Variants in ERBB4 observed in about 807,000 individuals in gnomAD.
ERBB4 encodes the protein receptor tyrosine-protein kinase erbB-4.
Under a neutral mutation model 158.0 loss-of-function variants are expected in ERBB4, and 42 were observed. The observed-to-expected ratio is 0.27, with a 90% CI of 0.21 to 0.34. The LOEUF (loss-of-function observed/expected upper bound fraction) is 0.34. ERBB4 is among the 10% of genes least tolerant of loss of function. ERBB4 has a pLI of 1.00. For missense variants in ERBB4, 1,333 were observed against 1,624.1 expected, an observed-to-expected ratio of 0.82 and a Z score of 3.08; for synonymous variants, 583 against 558.7, an observed-to-expected ratio of 1.04 and a Z score of -0.61.
chr2:212,110,017 T>C (rs1415238510), intron 2 of ERBB4, among the ~76,000 whole-genome samples: 1 of 152,284 alleles, frequency 6.6e-6, no homozygotes, highest in East Asian at 1.9e-4. Flanking sequence ...TCAGGTAACC[T>C]TTCTGTGCCT....
At chr2:212,024,588 CA>C (rs1329024085) in intron 2 of ERBB4, among the ~76,000 whole-genome samples, 1 of 151,868 alleles carries the variant, frequency 6.6e-6, no homozygotes, top group African/African-American at 2.4e-5. Flanking sequence ...GGAGATACAT[CA>C]AAAAGGTTCT....
rs183047290 is a variant in ERBB4 at position 211,473,034 on chromosome 2, A to G, written c.2488-41934T>C. Among the ~76,000 whole-genome samples, 28 of 152,026 alleles carry G rather than the reference A, an allele frequency of 1.8e-4. 1 individual carries two copies. In the East Asian group the frequency reaches 5.4e-3, roughly 29 times the overall value. On this transcript the variant is annotated intron_variant, in intron 20 of 27. Coordinates refer to ENST00000342788, the MANE Select transcript of ERBB4 (RefSeq NM_005235.3). ...ATTCCTGGAACCCATAAATGTTACT[A>G]TATACGGGGAATCAAAGGGGTCTTT...
At chr2:211,732,012 T>C in intron 5 of ERBB4, among the ~76,000 whole-genome samples, 1 of 143,592 alleles carries the variant, frequency 7.0e-6, no homozygotes, top group Non-Finnish European at 1.5e-5. Flanking sequence ...GAAAATTCAT[T>C]TTTTTTTTTT....
At chr2:212,011,820 G>T (rs548141172) in intron 2 of ERBB4, among the ~76,000 whole-genome samples, 1 of 151,896 alleles carries the variant, frequency 6.6e-6, no homozygotes, top group East Asian at 1.9e-4. Flanking sequence ...ATAATGTCTG[G>T]ATGTTTCTCT....
intron 3 of ERBB4, among the ~76,000 whole-genome samples, chr2:211,795,107 T>A (rs1039220730): frequency 6.6e-6 from 1 of 151,802 alleles, no homozygotes; most frequent in South Asian, 2.1e-4. Context: ...ATCTTGCATA[T>A]TAAAGTCATA....
intron 20 of ERBB4, 129 bp downstream of exon 20, chr2:211,561,774 T>G: frequency 1.2e-6 from 1 of 832,336 alleles, no homozygotes; most frequent in Non-Finnish European, 2.0e-6. Context: ...GTTATGTATC[T>G]TTCATTGCAG....
intron 1 of ERBB4, among the ~76,000 whole-genome samples, chr2:212,349,317 AC>A: frequency 1.3e-5 from 2 of 151,278 alleles, no homozygotes; most frequent in East Asian, 3.9e-4. Flanking sequence ...ACACACACAC[AC>A]ACACCCTTCA....
chr2:212,154,580 G>A (rs1421228112), intron 1 of ERBB4, among the ~76,000 whole-genome samples: 1 of 152,104 alleles, frequency 6.6e-6, no homozygotes, highest in Non-Finnish European at 1.5e-5. Flanking sequence ...CACTTAGTGT[G>A]GATTTACTCA....
chr2:211,788,456 T>A (rs1214724865), intron 3 of ERBB4, among the ~76,000 whole-genome samples: 2 of 152,112 alleles, frequency 1.3e-5, no homozygotes, highest in African/African-American at 4.8e-5. Flanking sequence ...TTCCCTGGAA[T>A]TGAAATAATA....
chr2:211,420,985 G>A (rs1284764746), intron 24 of ERBB4, among the ~76,000 whole-genome samples: 6 of 151,882 alleles, frequency 4.0e-5, no homozygotes, highest in South Asian at 2.1e-4. Flanking sequence ...ATTTATCAAC[G>A]TTTATTTGGT....
At chr2:211,957,784 T>C (rs1490863917) in intron 2 of ERBB4, among the ~76,000 whole-genome samples, 1 of 152,172 alleles carries the variant, frequency 6.6e-6, no homozygotes, top group East Asian at 1.9e-4. Flanking sequence ...TCTAAAGGAA[T>C]AACTACACAT....
chr2:212,336,403 G>A (rs182714809), intron 1 of ERBB4, among the ~76,000 whole-genome samples: 328 of 151,960 alleles, frequency 2.2e-3, no homozygotes, highest in Non-Finnish European at 2.7e-3. Flanking sequence ...GCATTTACAT[G>A]AGTTCTATAT....
At chr2:212,528,383 C>G (rs1212565866) in intron 1 of ERBB4, among the ~76,000 whole-genome samples, 2 of 152,138 alleles carry the variant, frequency 1.3e-5, no homozygotes, top group Admixed American at 6.6e-5. Context: ...ACTAGTGCAC[C>G]AGTTAGGCTT....
intron 1 of ERBB4, among the ~76,000 whole-genome samples, chr2:212,324,925 C>A (rs1389565099): frequency 2.0e-5 from 3 of 150,278 alleles, no homozygotes; most frequent in African/African-American, 7.3e-5. Flanking sequence ...AAGAAAAGTA[C>A]ACAAGTCACG....
rs1460225488 is a variant in ERBB4, at chr2:211,382,794, CCTTT to C, written c.*817_*820del. ...TGATAGCATGAAAAATATTAGCCTCCCTTTCTTATTTTAAAGATTGTATACTTAA... is the reference window on the plus strand; with the variant it reads ...TGATAGCATGAAAAATATTAGCCTCCCTTATTTTAAAGATTGTATACTTAA... On this transcript the variant is annotated 3_prime_UTR_variant, in exon 28 of 28. Coordinates refer to ENST00000342788, the MANE Select transcript of ERBB4 (RefSeq NM_005235.3). 1 of 232,376 alleles carries C rather than the reference CCTTT, an allele frequency of 4.3e-6. No individual in the cohort carries two copies. Among genetic ancestry groups the C allele is most frequent in the African/African-American group, 2.2e-5 (1 of 45,242 alleles). 14.4% of individuals were successfully genotyped at this position (232,376 alleles called of 1,614,324 possible). A position where few individuals can be genotyped will look rare whatever the true frequency, so the allele number is the denominator to read the frequency against.
At chr2:212,012,225 A>G (rs1435880458) in intron 2 of ERBB4, among the ~76,000 whole-genome samples, 3 of 151,240 alleles carry the variant, frequency 2.0e-5, no homozygotes, top group African/African-American at 7.3e-5. Flanking sequence ...TTCTGATACA[A>G]CAAGATATTT....
Position 211,378,375 on chromosome 2 carries a change from A to G in ERBB4, c.*5240T>C, listed in dbSNP as rs1354133261. The G allele has an allele frequency of 2.1e-5, 5 of 232,672 alleles. No homozygotes were observed. The East Asian group carries it at 3.0e-4, about 14-fold the overall frequency. The allele number at this position is 232,672 out of a possible 1,614,324, so 14.4% of individuals were successfully genotyped here. A position where few individuals can be genotyped will look rare whatever the true frequency, so the allele number is the denominator to read the frequency against. ...GAATTAGGTGAGGCAGGGGCCTGCA[A>G]AAGTGACAGATCCTACATTTTTGGA... is the stretch of plus-strand genomic sequence containing the variant. On this transcript the variant is annotated 3_prime_UTR_variant, in exon 28 of 28. Coordinates refer to ENST00000342788, the MANE Select transcript of ERBB4 (RefSeq NM_005235.3).
chr2:211,498,531 A>G (rs1198607951), intron 20 of ERBB4, among the ~76,000 whole-genome samples: 1 of 152,108 alleles, frequency 6.6e-6, no homozygotes, highest in Non-Finnish European at 1.5e-5. Flanking sequence ...CCATTCATCA[A>G]AATTCTAGGC....
chr2:212,480,885 A>G (rs1332934048), intron 1 of ERBB4, among the ~76,000 whole-genome samples: 2 of 152,224 alleles, frequency 1.3e-5, no homozygotes, highest in African/African-American at 4.8e-5. Flanking sequence ...TGGAAGGAAT[A>G]TATGTTTGTA....
Sources: allele counts gnomAD v4.1 joint callset (sites outside exome capture counted in the v4.1 genomes callset), GRCh38; gene constraint gnomAD v4.1.1; transcripts MANE v1.5; gene names NCBI Gene and HGNC (gene_info 2026-07-23, HGNC 2026-07-21).